The following ARFGEF3 variants were observed in gnomAD, a reference collection of about 807,000 sequenced individuals.
The protein encoded by ARFGEF3 is brefeldin A-inhibited guanine nucleotide-exchange protein 3.
In ARFGEF3, 96 loss-of-function variants were observed where a neutral mutation model predicts 221.7. The ratio of observed to expected loss-of-function variants is 0.43; its 90% CI spans 0.37 to 0.51. The LOEUF is 0.51. ARFGEF3 is among the 20% of genes least tolerant of loss of function. The pLI is 0.00. For missense variants in ARFGEF3, 2,410 were observed against 2,789.9 expected (o/e 0.86, Z 3.07); for synonymous variants, 1,145 against 1,126.8 (o/e 1.02, Z -0.32).
chr6:138,170,671 G>A lies in ARFGEF3; in HGVS notation c.95G>A (p.Gly32Asp). 6.4e-7 allele frequency: 1 copy of A among 1,572,028 alleles called. No individual in the cohort carries two copies. The highest frequency in any genetic ancestry group is 8.8e-7 in the Non-Finnish European group (1 of 1,142,448). Residue 32 changes from glycine (G) to aspartate (D), a missense_variant, in exon 2 of 34, where the codon GGT (glycine) becomes GAT (aspartate). Gly to Asp is a moderately conservative substitution (Grantham distance 94). Transcript: ENST00000251691. Reference sequence around the variant, plus strand: ...AATTTTTCTTTTGCAGAAACTCTAGGTGGTCTGGATACCATTGTCAAGATC... The same window carrying A: ...AATTTTTCTTTTGCAGAAACTCTAGATGGTCTGGATACCATTGTCAAGATC... ...ESCTWALETL[G>D]GLDTIVKIPP...
At chr6:138,264,129 C>A (rs541362343) in intron 12 of ARFGEF3, among the ~76,000 whole-genome samples, 5 of 152,156 alleles carry the variant, frequency 3.3e-5, no homozygotes, top group Non-Finnish European at 5.9e-5. Context: ...ATTCTCCCAT[C>A]TCAGATCCTT....
chr6:138,253,966 G>A lies in ARFGEF3; in HGVS notation c.752G>A (p.Arg251His), dbSNP rs747548846. Residue 251 changes from arginine to histidine, a missense_variant, in exon 9 of 34, where the codon CGC (arginine) becomes CAC (histidine). This residue lies in a region of ARFGEF3 where 570 missense variants were observed against 586.9 expected (regional missense o/e 0.97). Coordinates refer to ENST00000251691, the MANE Select transcript of ARFGEF3 (RefSeq NM_020340.5). ...SSSSSMHLHR[R>H]FTDLIWKNLC... ...TCCTCCTCCATGCACCTGCACAGGC[G>A]CTTCACGGACCTGATCTGGTGAGCA... 1.1e-5 allele frequency: 17 copies of A among 1,590,452 alleles called. No homozygotes were observed. Among genetic ancestry groups the A allele is most frequent in the Middle Eastern group, 1.7e-4 (1 of 6,040 alleles).
intron 12 of ARFGEF3, among the ~76,000 whole-genome samples, chr6:138,266,115 A>T (rs1487289257): frequency 6.6e-6 from 1 of 152,050 alleles, no homozygotes; most frequent in Non-Finnish European, 1.5e-5. Context: ...TGGGAGGCTG[A>T]GGCGGGGGGA....
chr6:138,207,892 C>A (rs922246599), intron 3 of ARFGEF3, among the ~76,000 whole-genome samples: 2 of 152,120 alleles, frequency 1.3e-5, no homozygotes, highest in African/African-American at 2.4e-5. Flanking sequence ...TTCCCAATAC[C>A]TTTTAAGAGA....
In ARFGEF3 at chr6:138,276,270, C is replaced by A. The variant is rs1205859817; in HGVS notation, c.2129-2181C>A. On this transcript the variant is annotated intron_variant, in intron 12 of 33. Transcript: ENST00000251691. ...CAGGAACCCTGAAGGCCTGGAAATGCCTGTCTGCAGATGGCCTTAGGACCA... is the reference window on the plus strand; with the variant it reads ...CAGGAACCCTGAAGGCCTGGAAATGACTGTCTGCAGATGGCCTTAGGACCA... Among the ~76,000 whole-genome samples, 4 of 152,158 alleles carry A rather than the reference C, an allele frequency of 2.6e-5. No homozygotes were observed. In the East Asian group the frequency reaches 5.8e-4, roughly 22 times the overall value.
chr6:138,245,648 C>G (rs940491906), intron 8 of ARFGEF3, 57 bp downstream of exon 8: 176 of 1,267,810 alleles, frequency 1.4e-4, no homozygotes, highest in Non-Finnish European at 1.5e-4. Context: ...CTGAAATAAC[C>G]TTTGTCTGCA....
chr6:138,320,552 G>A (rs1780005188), intron 28 of ARFGEF3, among the ~76,000 whole-genome samples: 1 of 152,190 alleles, frequency 6.6e-6, no homozygotes, highest in Non-Finnish European at 1.5e-5. Context: ...ATAACTCGAA[G>A]GACTGGCATA....
rs1266656630 is a variant in ARFGEF3 at position 138,218,098 on chromosome 6, A to ATGAGGAACATTTCAT, written c.351+8066_351+8080dup. 3.7e-6 allele frequency: 6 copies of ATGAGGAACATTTCAT among 1,613,988 alleles called. No homozygotes were observed. The East Asian group carries it at 1.3e-4, about 36-fold the overall frequency. On this transcript the variant is annotated intron_variant, in intron 4 of 33. Coordinates refer to ENST00000251691, the MANE Select transcript of ARFGEF3 (RefSeq NM_020340.5). ...GTGAATAATATGGCTTCTGAAGATA[A>ATGAGGAACATTTCAT]TGAGGAACATTTCATTGAGGAACCT...
rs1168068570 is a variant in ARFGEF3 at position 138,337,612 on chromosome 6, GGAGA to G, written c.*1127_*1130del. On this transcript the variant is annotated 3_prime_UTR_variant, in exon 34 of 34. Transcript: ENST00000251691. The stretch of plus-strand genomic sequence containing the variant: ...GCTCTAGTCTCAAAATGAAAGTAAT[GGAGA>G]AAGACACTGAAATTTAGAAAATTTT... 6.6e-6 allele frequency: 1 copy of G among 152,244 alleles called. No homozygotes were observed. Among genetic ancestry groups the G allele is most frequent in the Non-Finnish European group, 1.5e-5 (1 of 68,010 alleles). The allele number at this position is 152,244 out of a possible 1,614,324, so 9.4% of individuals were successfully genotyped here. A position where few individuals can be genotyped will look rare whatever the true frequency, so the allele number is the denominator to read the frequency against.
chr6:138,271,973 G>T (rs899058629), intron 12 of ARFGEF3, among the ~76,000 whole-genome samples: 14 of 152,202 alleles, frequency 9.2e-5, no homozygotes, highest in Middle Eastern at 3.4e-3. Context: ...GTTGCAGGGG[G>T]TTGGGGAAAC....
chr6:138,318,408 A>G (rs1779964553), intron 27 of ARFGEF3, among the ~76,000 whole-genome samples: 1 of 152,230 alleles, frequency 6.6e-6, no homozygotes. Context: ...TGTTTGCTGA[A>G]ACATCTTGAA....
intron 1 of ARFGEF3, among the ~76,000 whole-genome samples, chr6:138,163,204 T>C (rs1440825368): frequency 6.6e-6 from 1 of 152,236 alleles, no homozygotes; most frequent in Non-Finnish European, 1.5e-5. Context: ...GTAGATGGTC[T>C]TAATTCACAT....
At position 138,233,053 on chromosome 6, in the gene ARFGEF3, T is replaced by C. The variant is rs1388373069; in HGVS notation, c.420+3201T>C. On this transcript the variant is annotated intron_variant, in intron 5 of 33. Coordinates refer to ENST00000251691, the MANE Select transcript of ARFGEF3 (RefSeq NM_020340.5). ...ACCTTTACCGAGGCATTTAGTTAGATAATTGTTCTATGGTGTTTTATATAT... is the reference window on the plus strand; with the variant it reads ...ACCTTTACCGAGGCATTTAGTTAGACAATTGTTCTATGGTGTTTTATATAT... Among the ~76,000 whole-genome samples the C allele has an allele frequency of 2.0e-5, 3 of 152,204 alleles. No individual in the cohort carries two copies. In the East Asian group the frequency reaches 5.8e-4, roughly 29 times the overall value.
At chr6:138,303,220 A>T (rs1583057828) in intron 22 of ARFGEF3, among the ~76,000 whole-genome samples, 1 of 152,330 alleles carries the variant, frequency 6.6e-6, no homozygotes, top group East Asian at 1.9e-4. Context: ...TCCCTAGGGC[A>T]GCAACCAAGA....
At chr6:138,224,105 A>G (rs1208366013) in intron 4 of ARFGEF3, among the ~76,000 whole-genome samples, 1 of 151,870 alleles carries the variant, frequency 6.6e-6, no homozygotes, top group African/African-American at 2.4e-5. Flanking sequence ...TCACTTCTTT[A>G]CTCCTGAATC....
intron 4 of ARFGEF3, chr6:138,218,259 A>G: frequency 1.9e-6 from 3 of 1,610,898 alleles, no homozygotes; most frequent in Non-Finnish European, 8.5e-7. Flanking sequence ...GCAGAATGGT[A>G]AGAGCACAGT....
At chr6:138,335,908 T>C (rs1780312501) in intron 33 of ARFGEF3, among the ~76,000 whole-genome samples, 1 of 152,206 alleles carries the variant, frequency 6.6e-6, no homozygotes, top group Admixed American at 6.5e-5. Context: ...AAAATTCTCA[T>C]TCTTCAGGGA....
In ARFGEF3 at chr6:138,230,673, G is replaced by C. The variant is rs181080558; in HGVS notation, c.420+821G>C. Among the ~76,000 whole-genome samples, 122 of 152,296 alleles carry C rather than the reference G, an allele frequency of 8.0e-4. 1 individual carries two copies. Among genetic ancestry groups the C allele is most frequent in the Middle Eastern group, 3.4e-3 (1 of 294 alleles). On this transcript the variant is annotated intron_variant, in intron 5 of 33. Transcript: ENST00000251691. The stretch of plus-strand genomic sequence containing the variant: ...TGTGGTATTAAACAGTGAAAATTAA[G>C]AGAAAATTATTTTTGAGCGTGTAGA...
At chr6:138,204,697 A>T (rs141656151) in intron 2 of ARFGEF3, among the ~76,000 whole-genome samples, 1 of 152,212 alleles carries the variant, frequency 6.6e-6, no homozygotes, top group Non-Finnish European at 1.5e-5. Flanking sequence ...ACTCTGCAGG[A>T]TTGGTCTTCA....
Sources: gnomAD v4.1 joint callset for allele counts (sites outside exome capture counted in the v4.1 genomes callset) on GRCh38, gnomAD v4.1.1 for gene constraint, gnomAD v4.1.1 regional missense constraint, MANE v1.5 for transcripts, NCBI Gene and HGNC (gene_info 2026-07-23, HGNC 2026-07-21) for gene names.